Variants in SHROOM3 observed in about 807,000 individuals in gnomAD.
SHROOM3 encodes protein Shroom3.
SHROOM3 carries 47 observed loss-of-function variants against 138.6 expected under a neutral mutation model. The observed-to-expected ratio is 0.34, with a 90% CI of 0.27 to 0.43. The LOEUF (loss-of-function observed/expected upper bound fraction) is 0.43, where lower values mean the gene tolerates loss of function less well. Among genes scored for constraint, SHROOM3 ranks in the 20% least tolerant of loss-of-function variants. The pLI, the probability that SHROOM3 is intolerant of heterozygous loss-of-function variation, is 1.00. For synonymous variants in SHROOM3, 1,062 were observed against 1,063.3 expected (o/e 1.00, Z 0.02); for missense variants, 2,491 against 2,596.5 (o/e 0.96, Z 0.88).
At chr4:76,489,958 G>GT (rs1455575776) in intron 1 of SHROOM3, among the ~76,000 whole-genome samples, 10 of 152,164 alleles carry the variant, frequency 6.6e-5, no homozygotes, top group Non-Finnish European at 8.8e-5. Context: ...CCTCCACAGT[G>GT]TGGGGGCGGG....
At chr4:76,717,965 C>A (rs932110816) in intron 3 of SHROOM3, among the ~76,000 whole-genome samples, 6 of 152,116 alleles carry the variant, frequency 3.9e-5, no homozygotes, top group African/African-American at 4.8e-5. Flanking sequence ...AAATTTTCCT[C>A]CAGAATTATG....
chr4:76,661,596 C>A (rs1420305814), intron 2 of SHROOM3, among the ~76,000 whole-genome samples: 1 of 152,290 alleles, frequency 6.6e-6, no homozygotes, highest in Admixed American at 6.5e-5. Flanking sequence ...CCGCTCTGCA[C>A]CTCCAGGCAC....
At chr4:76,528,083 CTT>C (rs1579214327) in intron 1 of SHROOM3, among the ~76,000 whole-genome samples, 1 of 152,156 alleles carries the variant, frequency 6.6e-6, no homozygotes, top group East Asian at 1.9e-4. Context: ...CATTCTGAAA[CTT>C]GAGATAAAAT....
chr4:76,629,763 C>T (rs1461309703), intron 2 of SHROOM3, among the ~76,000 whole-genome samples: 1 of 152,146 alleles, frequency 6.6e-6, no homozygotes, highest in Admixed American at 6.5e-5. Flanking sequence ...CTGGAACTGC[C>T]ATCAACTGAG....
chr4:76,631,389 T>C (rs562476825), intron 2 of SHROOM3, among the ~76,000 whole-genome samples: 51 of 151,938 alleles, frequency 3.4e-4, no homozygotes, highest in African/African-American at 1.1e-3. Context: ...TTGTATTTTT[T>C]TTTAGTAGAG....
intron 1 of SHROOM3, among the ~76,000 whole-genome samples, chr4:76,488,257 G>A (rs548971780): frequency 1.7e-4 from 26 of 152,194 alleles, no homozygotes; most frequent in African/African-American, 5.1e-4. Context: ...TTTTAGCAAC[G>A]TTACACATAG....
Position 76,754,945 on chromosome 4 carries a change from C to A in SHROOM3, c.4462C>A (p.Arg1488=). 1 of 1,614,196 alleles carries A rather than the reference C, an allele frequency of 6.2e-7. No individual in the cohort carries two copies. The highest frequency in any genetic ancestry group is 8.5e-7 in the Non-Finnish European group (1 of 1,180,034). ...APSTPGRISL[R]ISESVLRDSP... is the part of the protein sequence containing the mutation. ...GAGCACTCCAGGGAGGATCTCCCTC[C>A]GAATATCTGAGTCTGTCCTGCGGGA... Residue 1488 remains arginine, a synonymous_variant, in exon 7 of 11, where the codon CGA becomes AGA. Coordinates refer to ENST00000296043, the MANE Select transcript of SHROOM3 (RefSeq NM_020859.4).
intron 2 of SHROOM3, among the ~76,000 whole-genome samples, chr4:76,694,985 G>A (rs1028622895): frequency 1.2e-4 from 19 of 152,160 alleles, no homozygotes; most frequent in African/African-American, 4.3e-4. Flanking sequence ...TAATGGATGA[G>A]GTCTGTAATA....
intron 2 of SHROOM3, among the ~76,000 whole-genome samples, chr4:76,582,692 A>T (rs1734075391): frequency 6.6e-6 from 1 of 152,214 alleles, no homozygotes; most frequent in South Asian, 2.1e-4. Flanking sequence ...ACACTCATCT[A>T]GTTTATTCCT....
At chr4:76,675,390 A>C (rs6812144) in intron 2 of SHROOM3, among the ~76,000 whole-genome samples, 7,194 of 152,292 alleles carry the variant, frequency 0.047, 565 homozygotes, top group African/African-American at 0.16. Flanking sequence ...AACAGTTTTC[A>C]AAGCATTATT....
chr4:76,666,360 C>T (rs1353838045), intron 2 of SHROOM3, among the ~76,000 whole-genome samples: 1 of 152,176 alleles, frequency 6.6e-6, no homozygotes, highest in East Asian at 1.9e-4. Context: ...CCTCTACCTC[C>T]AGGTCTCAAA....
At chr4:76,681,631 G>GTGTGTGTA (rs1196090598) in intron 2 of SHROOM3, among the ~76,000 whole-genome samples, 7 of 147,274 alleles carry the variant, frequency 4.8e-5, no homozygotes, top group South Asian at 4.2e-4. Context: ...GTGTGTGTGT[G>GTGTGTGTA]TGTATGTGTC....
At chr4:76,500,029 G>T (rs1046781846) in intron 1 of SHROOM3, among the ~76,000 whole-genome samples, 1 of 152,188 alleles carries the variant, frequency 6.6e-6, no homozygotes, top group Non-Finnish European at 1.5e-5. Context: ...GCATGGGCAG[G>T]TTAAATGTGT....
chr4:76,549,339 C>T (rs932708396), intron 1 of SHROOM3, among the ~76,000 whole-genome samples: 8 of 151,990 alleles, frequency 5.3e-5, no homozygotes, highest in Non-Finnish European at 1.2e-4. Context: ...AGGTAATTCA[C>T]AGCCTTGTTC....
chr4:76,731,794 A>C (rs913206511), intron 4 of SHROOM3, among the ~76,000 whole-genome samples: 2 of 150,572 alleles, frequency 1.3e-5, no homozygotes, highest in African/African-American at 4.9e-5. Context: ...AAAAAAACAA[A>C]CAAACAAACA....
intron 1 of SHROOM3, among the ~76,000 whole-genome samples, chr4:76,452,555 G>A (rs28583147): frequency 0.014 from 2,199 of 152,276 alleles, 53 homozygotes; most frequent in East Asian, 0.088. Context: ...ACATTGTAGC[G>A]TGTGTCAGAA....
intron 2 of SHROOM3, among the ~76,000 whole-genome samples, chr4:76,598,821 A>G (rs1734443822): frequency 6.6e-6 from 1 of 152,228 alleles, no homozygotes; most frequent in South Asian, 2.1e-4. Context: ...TTAATAAATA[A>G]TTAAAAGGCA....
chr4:76,645,617 T>G (rs1309378310), intron 2 of SHROOM3: 4 of 152,220 alleles, frequency 2.6e-5, no homozygotes, highest in Non-Finnish European at 4.4e-5. Flanking sequence ...TTGTGTGGGT[T>G]TTTGTCTAAA....
At position 76,779,234 on chromosome 4, in the gene SHROOM3, G is replaced by A. The variant is rs1246627458; in HGVS notation, c.*57G>A. Reference sequence around the variant, plus strand: ...TGTTTCTCTCAACACTATTTAATCTGAAAAATGTTTCAGTACAAACCACTG... The same window carrying A: ...TGTTTCTCTCAACACTATTTAATCTAAAAAATGTTTCAGTACAAACCACTG... On this transcript the variant is annotated 3_prime_UTR_variant, in exon 11 of 11. Coordinates refer to ENST00000296043, the MANE Select transcript of SHROOM3 (RefSeq NM_020859.4). 1 of 1,533,314 alleles carries A rather than the reference G, an allele frequency of 6.5e-7. No homozygotes were observed. Among genetic ancestry groups the A allele is most frequent in the African/African-American group, 1.4e-5 (1 of 72,306 alleles). The allele number at this position is 1,533,314 out of a possible 1,614,324, so 95.0% of individuals were successfully genotyped here.
Sources: gnomAD v4.1 joint callset for allele counts (sites outside exome capture counted in the v4.1 genomes callset) on GRCh38, gnomAD v4.1.1 for gene constraint, MANE v1.5 for transcripts, NCBI Gene and HGNC (gene_info 2026-07-23, HGNC 2026-07-21) for gene names.